The following PTPN14 variants were observed in gnomAD, a reference collection of about 807,000 sequenced individuals.
PTPN14 encodes the protein protein tyrosine phosphatase non-receptor type 14.
Under a neutral mutation model 126.8 loss-of-function variants are expected in PTPN14, and 53 were observed. The ratio of observed to expected loss-of-function variants is 0.42; its 90% CI spans 0.34 to 0.53. The LOEUF (loss-of-function observed/expected upper bound fraction) is 0.53, where lower values mean the gene tolerates loss of function less well. Ranked by LOEUF, PTPN14 falls within the 20% of genes least tolerant of loss-of-function variation. The probability of loss-of-function intolerance (pLI) is 0.08; values close to 1 mark genes in which losing one functional copy is unlikely to be tolerated. For missense variants in PTPN14, 1,257 were observed against 1,552.9 expected, an observed-to-expected ratio of 0.81 and a Z score of 3.20; for synonymous variants, 630 against 599.3, an observed-to-expected ratio of 1.05 and a Z score of -0.75.
Position 214,401,811 on chromosome 1 carries a change from G to A in PTPN14, c.582-39C>T, listed in dbSNP as rs377546779. ...AGCATCAAAGGAAGAAATGGTTAAG[G>A]GCAGCCAGTGGAAGATCCCACTCTC... On this transcript the variant is annotated intron_variant, in intron 6 of 18. Transcript: ENST00000366956. The A allele has an allele frequency of 1.6e-5, 24 of 1,484,252 alleles. No homozygotes were observed. In the East Asian group the frequency reaches 5.4e-4, roughly 34 times the overall value. 91.9% of individuals were successfully genotyped at this position (1,484,252 alleles called of 1,614,324 possible).
intron 3 of PTPN14, among the ~76,000 whole-genome samples, chr1:214,447,468 G>A (rs928691839): frequency 6.6e-6 from 1 of 152,062 alleles, no homozygotes; most frequent in African/African-American, 2.4e-5. Context: ...CCTACGGCAT[G>A]TCTTGCTGAA....
At chr1:214,480,741 T>C (rs1000775510) in intron 1 of PTPN14, among the ~76,000 whole-genome samples, 4 of 152,222 alleles carry the variant, frequency 2.6e-5, no homozygotes, top group Admixed American at 6.5e-5. Context: ...AAACATTACT[T>C]GGCCCAAACA....
intron 5 of PTPN14, among the ~76,000 whole-genome samples, chr1:214,411,013 T>G (rs980625648): frequency 1.3e-5 from 2 of 152,216 alleles, no homozygotes; most frequent in Non-Finnish European, 2.9e-5. Context: ...TGATAGGGAT[T>G]GCATTAATTT....
Position 214,460,891 on chromosome 1 carries a change from T to C in PTPN14, c.174+3739A>G, listed in dbSNP as rs114856684. Among the ~76,000 whole-genome samples, 391 of 152,294 alleles carry C rather than the reference T, an allele frequency of 2.6e-3. 4 individuals carry two copies. The highest frequency in any genetic ancestry group is 9.2e-3 in the African/African-American group (382 of 41,548). On this transcript the variant is annotated intron_variant, in intron 2 of 18. Transcript: ENST00000366956. ...AGCCATGTTAAATAGCAGCATATCA[T>C]ATTTGTCCAAACCTACAGAATGTAC...
chr1:214,507,122 AC>A (rs1366309564), intron 1 of PTPN14, among the ~76,000 whole-genome samples: 1 of 152,188 alleles, frequency 6.6e-6, no homozygotes, highest in Non-Finnish European at 1.5e-5. Context: ...AGAAAAAAAA[AC>A]TTCACAGTTC....
Position 214,369,491 on chromosome 1 carries a change from A to G in PTPN14, c.3237T>C (p.Asp1079=). 2.5e-6 allele frequency: 4 copies of G among 1,614,194 alleles called. No individual in the cohort carries two copies. Among genetic ancestry groups the G allele is most frequent in the Non-Finnish European group, 3.4e-6 (4 of 1,180,038 alleles). Reference sequence around the variant, plus strand: ...CTTGGACATCTTCTGGACAGCCGTGATCTGGCCAGTCAGTATATTGTAAAT... The same window carrying G: ...CTTGGACATCTTCTGGACAGCCGTGGTCTGGCCAGTCAGTATATTGTAAAT... The part of the protein sequence containing the change: ...VWHLQYTDWP[D]HGCPEDVQGF... Residue 1079 remains aspartate, a synonymous_variant, in exon 17 of 19, where the codon GAT becomes GAC. Coordinates refer to ENST00000366956, the MANE Select transcript of PTPN14 (RefSeq NM_005401.5).
intron 3 of PTPN14, among the ~76,000 whole-genome samples, chr1:214,437,465 CT>C (rs1659945979): frequency 1.3e-5 from 2 of 151,956 alleles, no homozygotes; most frequent in African/African-American, 4.8e-5. Context: ...AGGCTAAATT[CT>C]TATGCAATAA....
chr1:214,532,838 TA>T, intron 1 of PTPN14: 4 of 945,638 alleles, frequency 4.2e-6, no homozygotes, highest in Non-Finnish European at 6.8e-6. Context: ...AAAGATGAAC[TA>T]AAAGGCCTAC....
intron 16 of PTPN14, among the ~76,000 whole-genome samples, chr1:214,371,776 TG>T (rs1558072999): frequency 6.6e-6 from 1 of 152,214 alleles, no homozygotes; most frequent in African/African-American, 2.4e-5. Context: ...GAAGTACAAC[TG>T]GCTTTAAAGA....
chr1:214,370,373 A>G (rs1215551945), intron 16 of PTPN14, among the ~76,000 whole-genome samples: 1 of 152,128 alleles, frequency 6.6e-6, no homozygotes, highest in African/African-American at 2.4e-5. Flanking sequence ...GGAGACTGGA[A>G]AGGCCTCACA....
At chr1:214,444,872 G>A (rs1203736857) in intron 3 of PTPN14, among the ~76,000 whole-genome samples, 1 of 152,146 alleles carries the variant, frequency 6.6e-6, no homozygotes, top group Non-Finnish European at 1.5e-5. Context: ...CCCCATCATA[G>A]TTTAAAAATG....
chr1:214,407,066 G>A (rs1659188301), intron 5 of PTPN14, among the ~76,000 whole-genome samples: 2 of 152,288 alleles, frequency 1.3e-5, no homozygotes, highest in Non-Finnish European at 2.9e-5. Flanking sequence ...GAGCTTCTGA[G>A]ACATTAGAAA....
chr1:214,383,530 C>T lies in PTPN14; in HGVS notation c.2325G>A (p.Met775Ile), dbSNP rs139248712. The change falls in exon 13 of 19, where the codon ATG (methionine) becomes ATA (isoleucine). Residue 775 changes from methionine (M) to isoleucine (I), a missense_variant. Around this residue, in one of 3 missense-constraint regions of PTPN14, gnomAD observed 1,021 missense variants for 1,183.3 expected, o/e 0.86. Transcript: ENST00000366956. This position sits in a 1 kb window ranked among gnomAD's most constrained non-coding sequence, Gnocchi z 4.4. The part of the protein sequence containing the change: ...RQDQASLPPA[M>I]ARARVLRHGP... Reference sequence around the variant, plus strand: ...CATGCCTCAGCACCCTGGCTCTGGCCATGGCGGGAGGAAGGCTGGCTTGGT... The same window carrying T: ...CATGCCTCAGCACCCTGGCTCTGGCTATGGCGGGAGGAAGGCTGGCTTGGT... The T allele has an allele frequency of 2.0e-4, 329 of 1,613,894 alleles. No individual in the cohort carries two copies. Among genetic ancestry groups the T allele is most frequent in the Non-Finnish European group, 2.6e-4 (301 of 1,179,948 alleles).
chr1:214,535,246 TTATAAA>T (rs1486128778), intron 1 of PTPN14, among the ~76,000 whole-genome samples: 2 of 152,206 alleles, frequency 1.3e-5, no homozygotes, highest in African/African-American at 4.8e-5. Context: ...TGCTACCTCT[TTATAAA>T]TATATTTTTC....
At chr1:214,402,744 A>G (rs1362113937) in intron 6 of PTPN14, 139 bp downstream of exon 6, 5 of 865,716 alleles carry the variant, frequency 5.8e-6, no homozygotes, top group Non-Finnish European at 7.2e-6. Context: ...ACGGAAGTAC[A>G]GAGCTGAGTC....
chr1:214,532,810 C>T (rs1483092874), intron 1 of PTPN14: 2 of 878,624 alleles, frequency 2.3e-6, no homozygotes, highest in East Asian at 4.8e-5. Flanking sequence ...GGAGGAGCTG[C>T]TCTTCATGAA....
rs1004289653 is a variant in PTPN14, at chr1:214,357,245, T to A, written c.*677A>T. On this transcript the variant is annotated 3_prime_UTR_variant, in exon 19 of 19. Coordinates refer to ENST00000366956, the MANE Select transcript of PTPN14 (RefSeq NM_005401.5). ...GCCCCAAAGATGGCAATTACTGCAT[T>A]GTAAAGGCAGCACTGTCTTTAGCTA... 3.3e-5 allele frequency: 5 copies of A among 151,160 alleles called. No homozygotes were observed. The highest frequency in any genetic ancestry group is 7.4e-5 in the Non-Finnish European group (5 of 67,930). 9.4% of individuals were successfully genotyped at this position (151,160 alleles called of 1,614,324 possible). A position where few individuals can be genotyped will look rare whatever the true frequency, so the allele number is the denominator to read the frequency against.
intron 10 of PTPN14, among the ~76,000 whole-genome samples, chr1:214,392,441 A>G (rs950155201): frequency 6.6e-6 from 1 of 152,202 alleles, no homozygotes; most frequent in Admixed American, 6.5e-5. Context: ...CCATCTGCTG[A>G]GCTGTGGTTA....
Position 214,382,051 on chromosome 1 carries a change from C to T in PTPN14, c.2544+1260G>A, listed in dbSNP as rs145995473. On this transcript the variant is annotated intron_variant, in intron 13 of 18. Transcript: ENST00000366956. ...CTGAGTAACTGGGATTACAGGTGCACGCCACCACACACGGCTAATTTTTGT... is the reference window on the plus strand; with the variant it reads ...CTGAGTAACTGGGATTACAGGTGCATGCCACCACACACGGCTAATTTTTGT... Among the ~76,000 whole-genome samples the T allele has an allele frequency of 4.0e-4, 61 of 152,142 alleles. 2 individuals carry two copies. The East Asian group carries it at 9.5e-3, about 24-fold the overall frequency.
Sources: gnomAD v4.1 joint callset for allele counts (sites outside exome capture counted in the v4.1 genomes callset) on GRCh38, gnomAD v4.1.1 for gene constraint, gnomAD v4.1.1 regional missense constraint, Gnocchi (gnomAD v3.1) non-coding constraint, MANE v1.5 for transcripts, NCBI Gene and HGNC (gene_info 2026-07-23, HGNC 2026-07-21) for gene names.